The following LNX1 variants were observed in gnomAD, a reference collection of about 807,000 sequenced individuals.
LNX1 encodes E3 ubiquitin-protein ligase LNX.
Under a neutral mutation model 68.4 loss-of-function variants are expected in LNX1, and 54 were observed. The observed-to-expected ratio is 0.79, with a 90% CI of 0.63 to 0.99. The LOEUF (loss-of-function observed/expected upper bound fraction) is 0.99, where lower values mean the gene tolerates loss of function less well. LNX1 is among the 50% of genes least tolerant of loss of function. The probability of loss-of-function intolerance (pLI) is 0.00; values close to 1 mark genes in which losing one functional copy is unlikely to be tolerated. For missense variants in LNX1, 906 were observed against 926.4 expected, an observed-to-expected ratio of 0.98 and a Z score of 0.29; for synonymous variants, 336 against 350.0, an observed-to-expected ratio of 0.96 and a Z score of 0.45.
chr4:53,533,134 A>G (rs17082966), intron 2 of LNX1, among the ~76,000 whole-genome samples: 26,724 of 152,260 alleles, frequency 0.18, 2,912 homozygotes, highest in African/African-American at 0.31. Flanking sequence ...TCTGGACAGC[A>G]CAGTGGGCCT....
chr4:53,472,393 C>T (rs1198605206), intron 9 of LNX1, among the ~76,000 whole-genome samples: 2 of 151,716 alleles, frequency 1.3e-5, no homozygotes, highest in Non-Finnish European at 2.9e-5. Context: ...TGCTAAATGA[C>T]GAGTTAATGG....
At chr4:53,590,985 A>G (rs181438021) in intron 1 of LNX1, among the ~76,000 whole-genome samples, 4 of 152,334 alleles carry the variant, frequency 2.6e-5, no homozygotes, top group Admixed American at 2.0e-4. Context: ...AAAAGGAAAA[A>G]TAAGAACTCT....
At chr4:53,649,359 T>A (rs1735009242) in intron 1 of LNX1, among the ~76,000 whole-genome samples, 1 of 152,206 alleles carries the variant, frequency 6.6e-6, no homozygotes, top group African/African-American at 2.4e-5. Flanking sequence ...ACTATTACAA[T>A]CTCTAGTTTT....
At position 53,613,875 on chromosome 4, in the gene LNX1, A is replaced by G. The variant is rs529418206; in HGVS notation, c.-215+2642T>C. ...TATTTCTGTCTCTAGGTCTTTGAGC[A>G]ATCGCCACACTGTCTTCCACAATGG... is the stretch of plus-strand genomic sequence containing the variant. On this transcript the variant is annotated intron_variant, in intron 2 of 3. Coordinates refer to the LNX1 transcript ENST00000504299. Among the ~76,000 whole-genome samples the G allele has an allele frequency of 3.9e-5, 6 of 152,336 alleles. No homozygotes were observed. In the South Asian group the frequency reaches 1.0e-3, roughly 26 times the overall value.
In LNX1 at chr4:53,644,875, A is replaced by C. The variant is rs2590770; in HGVS notation, c.-215+7293T>G. Among the ~76,000 whole-genome samples, 21 of 152,222 alleles carry C rather than the reference A, an allele frequency of 1.4e-4. No individual in the cohort carries two copies. In the East Asian group the frequency reaches 4.1e-3, roughly 29 times the overall value. On this transcript the variant is annotated intron_variant, in intron 1 of 2. Coordinates refer to the LNX1 transcript ENST00000507168. ...CAGAGTAAGGGAGAGATGTGGTAAC[A>C]GGGAGGAGGAAGTCTGGGTAAGGAT...
intron 1 of LNX1, among the ~76,000 whole-genome samples, chr4:53,636,179 C>CTT (rs11440722): frequency 0.2 from 16,878 of 85,236 alleles, 983 homozygotes; most frequent in South Asian, 0.39. Context: ...TCTATTACTC[C>CTT]TTTTTTTTTT....
intron 1 of LNX1, among the ~76,000 whole-genome samples, chr4:53,587,354 A>G (rs1732236077): frequency 6.6e-6 from 1 of 152,212 alleles, no homozygotes; most frequent in African/African-American, 2.4e-5. Flanking sequence ...CTTTGGGGAT[A>G]GTTAATGATT....
intron 1 of LNX1, among the ~76,000 whole-genome samples, chr4:53,635,205 G>A (rs1430744446): frequency 1.3e-5 from 2 of 152,062 alleles, no homozygotes; most frequent in Non-Finnish European, 2.9e-5. Flanking sequence ...TGTCACATGG[G>A]GTGAGGATGG....
chr4:53,484,717 G>C (rs951859711), intron 6 of LNX1, among the ~76,000 whole-genome samples: 6 of 152,070 alleles, frequency 3.9e-5, no homozygotes, highest in African/African-American at 1.2e-4. Flanking sequence ...TCATGATTTG[G>C]GTGGCTGTAA....
At chr4:53,550,801 GA>G (rs1729449196) in intron 2 of LNX1, among the ~76,000 whole-genome samples, 1 of 152,186 alleles carries the variant, frequency 6.6e-6, no homozygotes, top group South Asian at 2.1e-4. Context: ...TAGTAGGCAG[GA>G]AAAGGAGCTA....
upstream of LNX1, chr4:53,591,686 G>T: frequency 1.7e-6 from 1 of 596,666 alleles, no homozygotes; most frequent in Non-Finnish European, 2.1e-6. Context: ...GTCTCTTTGT[G>T]GACAAATAAA....
chr4:53,495,139 C>G (rs1724956868), intron 6 of LNX1, among the ~76,000 whole-genome samples: 1 of 152,022 alleles, frequency 6.6e-6, no homozygotes, highest in Non-Finnish European at 1.5e-5. Context: ...GATGTTAACA[C>G]TAGGAAAAAC....
At chr4:53,513,803 A>G (rs1726542412) in intron 2 of LNX1, among the ~76,000 whole-genome samples, 1 of 152,176 alleles carries the variant, frequency 6.6e-6, no homozygotes, top group Non-Finnish European at 1.5e-5. Flanking sequence ...CTGCCCATCT[A>G]TTCTCAACAG....
chr4:53,634,294 AG>A (rs1256412781), intron 1 of LNX1, among the ~76,000 whole-genome samples: 1 of 148,536 alleles, frequency 6.7e-6, no homozygotes, highest in East Asian at 2.0e-4. Context: ...CCCAGGCTGG[AG>A]TACAGTGGCA....
At chr4:53,532,477 T>C (rs542512619) in intron 2 of LNX1, among the ~76,000 whole-genome samples, 1 of 151,252 alleles carries the variant, frequency 6.6e-6, no homozygotes, top group Non-Finnish European at 1.5e-5. Flanking sequence ...ATAAATAAAA[T>C]AAAAAAAAGA....
chr4:53,574,649 G>A (rs192777885), intron 1 of LNX1, among the ~76,000 whole-genome samples: 1 of 152,164 alleles, frequency 6.6e-6, no homozygotes, highest in Non-Finnish European at 1.5e-5. Flanking sequence ...TCAGTTGGTC[G>A]TTAGTGGCTA....
intron 2 of LNX1, among the ~76,000 whole-genome samples, chr4:53,597,427 A>C (rs1341614199): frequency 6.6e-6 from 1 of 152,056 alleles, no homozygotes; most frequent in Non-Finnish European, 1.5e-5. Flanking sequence ...CCATAGTAAC[A>C]CTGTGTTAGA....
chr4:53,573,508 T>A, intron 2 of LNX1, 115 bp downstream of exon 2: 1 of 680,486 alleles, frequency 1.5e-6, no homozygotes, highest in Admixed American at 2.9e-5. Flanking sequence ...TAGCTGTTTT[T>A]TTATTTTGAA....
chr4:53,527,116 A>G (rs1036422876), intron 2 of LNX1, among the ~76,000 whole-genome samples: 1 of 151,294 alleles, frequency 6.6e-6, no homozygotes, highest in African/African-American at 2.4e-5. Flanking sequence ...TATAAACATT[A>G]GTTACAACTG....
Sources: gnomAD v4.1 joint callset for allele counts (sites outside exome capture counted in the v4.1 genomes callset) on GRCh38, gnomAD v4.1.1 for gene constraint, MANE v1.5 for transcripts, NCBI Gene and HGNC (gene_info 2026-07-23, HGNC 2026-07-21) for gene names.